CFAP61: variants seen among roughly 807,000 people sequenced by gnomAD.
The protein encoded by CFAP61 is cilia- and flagella-associated protein 61.
Under a neutral mutation model 135.6 loss-of-function variants are expected in CFAP61, and 107 were observed. The observed-to-expected ratio is 0.79, with a 90% CI of 0.67 to 0.93. The LOEUF (loss-of-function observed/expected upper bound fraction) is 0.93, where lower values mean the gene tolerates loss of function less well. Ranked by LOEUF, CFAP61 falls within the 40% of genes least tolerant of loss-of-function variation. The pLI, the probability that CFAP61 is intolerant of heterozygous loss-of-function variation, is 0.00. For synonymous variants in CFAP61, 575 were observed against 578.5 expected, an observed-to-expected ratio of 0.99 and a Z score of 0.09; for missense variants, 1,507 against 1,556.2, an observed-to-expected ratio of 0.97 and a Z score of 0.53.
rs1569219702 is a variant in CFAP61 at position 20,269,190 on chromosome 20, T to TATATGTATATATACAC, written c.2503+6064_2503+6065insGTATATATACACATAT. ...ATACATATATGTATATACACACACA[T>TATATGTATATATACAC]ATATACATATATGTATATATACACA... is the stretch of plus-strand genomic sequence containing the variant. On this transcript the variant is annotated intron_variant, in intron 21 of 26. Transcript: ENST00000245957. Among the ~76,000 whole-genome samples the TATATGTATATATACAC allele has an allele frequency of 2.3e-3, 215 of 92,840 alleles. 6 individuals carry two copies. Among genetic ancestry groups the TATATGTATATATACAC allele is most frequent in the African/African-American group, 8.1e-3 (209 of 25,886 alleles). 60.9% of individuals were successfully genotyped at this position (92,840 alleles called of 152,430 possible).
At chr20:20,130,620 G>T (rs1173244315) in intron 8 of CFAP61, among the ~76,000 whole-genome samples, 1 of 151,508 alleles carries the variant, frequency 6.6e-6, no homozygotes, top group Non-Finnish European at 1.5e-5. Context: ...CTCCTTTTTG[G>T]CACTAGATGG....
chr20:20,246,210 C>A lies in CFAP61; in HGVS notation c.2154C>A (p.Ala718=). 1.2e-6 allele frequency: 2 copies of A among 1,604,714 alleles called. No individual in the cohort carries two copies. The highest frequency in any genetic ancestry group is 1.7e-6 in the Non-Finnish European group (2 of 1,171,458). ...ACACTGAACAAAGGAAATTTTTAGCCAGCGAGTATGAATTGTATTTGCTTT... is the reference window on the plus strand; with the variant it reads ...ACACTGAACAAAGGAAATTTTTAGCAAGCGAGTATGAATTGTATTTGCTTT... The part of the protein sequence containing the change: ...LLDTEQRKFL[A]SDHCFNDKDY... The change falls in exon 19 of 27, where the codon GCC becomes GCA. Residue 718 remains alanine, a synonymous_variant. Transcript: ENST00000245957.
intron 22 of CFAP61, among the ~76,000 whole-genome samples, chr20:20,287,891 T>A (rs1026431450): frequency 6.6e-6 from 1 of 152,148 alleles, no homozygotes; most frequent in Non-Finnish European, 1.5e-5. Flanking sequence ...GCATTGAAAT[T>A]TGAGCACAGA....
At chr20:20,206,397 C>A (rs2056857392) in intron 17 of CFAP61, among the ~76,000 whole-genome samples, 1 of 152,164 alleles carries the variant, frequency 6.6e-6, no homozygotes, top group Non-Finnish European at 1.5e-5. Flanking sequence ...GCAAAAGGAA[C>A]CTGTACCCAT....
intron 13 of CFAP61, 121 bp downstream of exon 13, chr20:20,169,581 G>A (rs966921327): frequency 3.4e-6 from 3 of 882,564 alleles, no homozygotes; most frequent in African/African-American, 3.4e-5. Context: ...TATTAGAAGA[G>A]GTCTTGAGTA....
chr20:20,064,969 G>A (rs2045131216), intron 2 of CFAP61, among the ~76,000 whole-genome samples: 1 of 152,166 alleles, frequency 6.6e-6, no homozygotes, highest in South Asian at 2.1e-4. Flanking sequence ...GTGGTAATTT[G>A]CAGGGAATTT....
In CFAP61 at chr20:20,291,691, C is replaced by T. The variant is rs574295847; in HGVS notation, c.3216+1300C>T. Among the ~76,000 whole-genome samples, 3 of 152,350 alleles carry T rather than the reference C, an allele frequency of 2.0e-5. No homozygotes were observed. In the South Asian group the frequency reaches 6.2e-4, roughly 32 times the overall value. On this transcript the variant is annotated intron_variant, in intron 24 of 26. Transcript: ENST00000245957. ...ATCTGGAATGGCCATGGAGACCCCA[C>T]TGTTTTCCTCCCCTCCAGGAAAAGC...
At chr20:20,162,233 C>CGGATCATCTA (rs1423797410) in intron 10 of CFAP61, among the ~76,000 whole-genome samples, 1 of 152,152 alleles carries the variant, frequency 6.6e-6, no homozygotes, top group East Asian at 1.9e-4. Context: ...TGGGCCCACC[C>CGGATCATCTA]GGATCATCTA....
At chr20:20,099,883 C>G (rs2047888695) in intron 8 of CFAP61, among the ~76,000 whole-genome samples, 1 of 152,098 alleles carries the variant, frequency 6.6e-6, no homozygotes, top group African/African-American at 2.4e-5. Flanking sequence ...ATGCATAAAC[C>G]CCGTGCACAG....
chr20:20,265,270 G>A, intron 21 of CFAP61: 1 of 712,190 alleles, frequency 1.4e-6, no homozygotes, highest in Non-Finnish European at 2.6e-6. Context: ...TTGGGCTAGG[G>A]AGCATTTGAC....
chr20:20,299,098 C>T (rs575463255), intron 25 of CFAP61, among the ~76,000 whole-genome samples: 11 of 152,268 alleles, frequency 7.2e-5, no homozygotes, highest in South Asian at 6.2e-4. Context: ...CCAGTGTTCT[C>T]GACACCCACA....
intron 1 of CFAP61, among the ~76,000 whole-genome samples, chr20:20,053,359 C>T (rs994622133): frequency 2.0e-5 from 3 of 152,180 alleles, no homozygotes; most frequent in African/African-American, 7.2e-5. Flanking sequence ...CCTCTAACAG[C>T]CTCCAACTCT....
rs183704122 is a variant in CFAP61, at chr20:20,250,317, C to T, written c.2160-1278C>T. Among the ~76,000 whole-genome samples, 202 of 152,328 alleles carry T rather than the reference C, an allele frequency of 1.3e-3. 2 individuals carry two copies. The highest frequency in any genetic ancestry group is 4.7e-3 in the African/African-American group (195 of 41,566). On this transcript the variant is annotated intron_variant, in intron 19 of 26. Coordinates refer to ENST00000245957, the MANE Select transcript of CFAP61 (RefSeq NM_015585.4). ...CTGTCTTACATTCTCACGGTCACTC[C>T]TTATAGCGGTCAGCAGTGGAGGAAC...
At chr20:20,156,295 A>T (rs1392560619) in intron 9 of CFAP61, among the ~76,000 whole-genome samples, 1 of 151,594 alleles carries the variant, frequency 6.6e-6, no homozygotes, top group African/African-American at 2.4e-5. Context: ...TTAACAAACT[A>T]AAAAAAAACC....
intron 8 of CFAP61, among the ~76,000 whole-genome samples, chr20:20,137,894 A>G (rs2051060042): frequency 6.6e-6 from 1 of 152,078 alleles, no homozygotes; most frequent in Admixed American, 6.6e-5. Flanking sequence ...AGTCTCACCC[A>G]AGGCCCATGG....
At chr20:20,263,187 G>C in intron 21 of CFAP61, 57 bp downstream of exon 21, 1 of 1,301,042 alleles carries the variant, frequency 7.7e-7, no homozygotes, top group Non-Finnish European at 1.1e-6. Flanking sequence ...TTTATAATGA[G>C]TCTCATTCTT....
At chr20:20,133,495 T>TG (rs1288422244) in intron 8 of CFAP61, among the ~76,000 whole-genome samples, 1 of 152,136 alleles carries the variant, frequency 6.6e-6, no homozygotes, top group East Asian at 1.9e-4. Context: ...CACATGCCAC[T>TG]TGTCCAAGCA....
At chr20:20,053,055 T>A (rs1355540263) in intron 1 of CFAP61, among the ~76,000 whole-genome samples, 1 of 152,212 alleles carries the variant, frequency 6.6e-6, no homozygotes, top group Non-Finnish European at 1.5e-5. Flanking sequence ...AAGAAACATG[T>A]TTAAATTCTG....
At chr20:20,208,951 G>A (rs1262836355) in intron 17 of CFAP61, among the ~76,000 whole-genome samples, 1 of 152,164 alleles carries the variant, frequency 6.6e-6, no homozygotes, top group Admixed American at 6.5e-5. Context: ...GGGGGGGCAT[G>A]GGACTCACAG....
Sources: allele counts gnomAD v4.1 joint callset (sites outside exome capture counted in the v4.1 genomes callset), GRCh38; gene constraint gnomAD v4.1.1; transcripts MANE v1.5; gene names NCBI Gene and HGNC (gene_info 2026-07-23, HGNC 2026-07-21).